Variants in ROBO2 observed in about 807,000 individuals in gnomAD.
The protein encoded by ROBO2 is roundabout guidance receptor 2.
Under a neutral mutation model 160.8 loss-of-function variants are expected in ROBO2, and 53 were observed. The ratio of observed to expected loss-of-function variants is 0.33; its 90% CI spans 0.26 to 0.41. ROBO2 has a LOEUF of 0.41. ROBO2 is among the 10% of genes least tolerant of loss of function. The pLI, the probability that ROBO2 is intolerant of heterozygous loss-of-function variation, is 1.00. For missense variants in ROBO2, 1,577 were observed against 1,722.4 expected (o/e 0.92, Z 1.49); for synonymous variants, 664 against 611.7 (o/e 1.09, Z -1.26).
At chr3:77,490,171 G>A (rs1459706660) in intron 4 of ROBO2, among the ~76,000 whole-genome samples, 1 of 150,282 alleles carries the variant, frequency 6.7e-6, no homozygotes, top group Admixed American at 6.6e-5. Flanking sequence ...CCCAATCTCG[G>A]CTCACTGCAA....
At chr3:76,671,334 G>A (rs375013038) in intron 2 of ROBO2, among the ~76,000 whole-genome samples, 19 of 152,172 alleles carry the variant, frequency 1.2e-4, no homozygotes, top group Admixed American at 3.3e-4. Flanking sequence ...GGAGAATAAC[G>A]CTGGCCTTCT....
At chr3:77,643,249 G>A (rs2095373115) in intron 24 of ROBO2, among the ~76,000 whole-genome samples, 1 of 152,096 alleles carries the variant, frequency 6.6e-6, no homozygotes, top group South Asian at 2.1e-4. Context: ...TTTAAAGATC[G>A]CTAAATTTAA....
At chr3:76,900,190 G>A (rs1023409199) in intron 2 of ROBO2, among the ~76,000 whole-genome samples, 15 of 151,962 alleles carry the variant, frequency 9.9e-5, no homozygotes, top group South Asian at 2.1e-4. Flanking sequence ...GGAAAGATCC[G>A]CCCCCATAAT....
At chr3:77,604,309 A>C (rs2153693909) in intron 20 of ROBO2, among the ~76,000 whole-genome samples, 1 of 152,310 alleles carries the variant, frequency 6.6e-6, no homozygotes, top group South Asian at 2.1e-4. Flanking sequence ...ATAATTAAAA[A>C]GTAATTTATC....
intron 2 of ROBO2, among the ~76,000 whole-genome samples, chr3:76,693,274 CTATA>C (rs3041339): frequency 1.4e-5 from 2 of 147,990 alleles, no homozygotes; most frequent in Non-Finnish European, 3.0e-5. Flanking sequence ...GTCTCTCTCT[CTATA>C]TATAGTGTGT....
intron 2 of ROBO2, among the ~76,000 whole-genome samples, chr3:77,248,584 C>A (rs984012449): frequency 6.6e-6 from 1 of 152,188 alleles, no homozygotes; most frequent in East Asian, 1.9e-4. Context: ...CTGCCAGCAC[C>A]CAAAGGTGCT....
chr3:77,085,319 T>C (rs541268729), intron 1 of ROBO2, among the ~76,000 whole-genome samples: 1 of 152,258 alleles, frequency 6.6e-6, no homozygotes, highest in South Asian at 2.1e-4. Flanking sequence ...CAAAATTTTC[T>C]ATAAGATTCT....
At chr3:75,951,945 A>G (rs1039585475) in intron 2 of ROBO2, among the ~76,000 whole-genome samples, 2 of 152,018 alleles carry the variant, frequency 1.3e-5, no homozygotes, top group African/African-American at 4.8e-5. Flanking sequence ...AAAATAAGAA[A>G]TTTAGCTTAA....
intron 2 of ROBO2, among the ~76,000 whole-genome samples, chr3:76,982,593 G>T (rs1245041869): frequency 2.6e-5 from 4 of 152,128 alleles, no homozygotes; most frequent in Non-Finnish European, 5.9e-5. Context: ...AGATTTACTT[G>T]ACAGTTTTGC....
chr3:76,761,804 A>T (rs2061323791), intron 2 of ROBO2, among the ~76,000 whole-genome samples: 1 of 151,674 alleles, frequency 6.6e-6, no homozygotes, highest in African/African-American at 2.4e-5. Context: ...TGACCTTGGG[A>T]TATTTAACTT....
intron 17 of ROBO2, among the ~76,000 whole-genome samples, chr3:77,591,512 T>G (rs2153685281): frequency 6.6e-6 from 1 of 152,324 alleles, no homozygotes; most frequent in African/African-American, 2.4e-5. Context: ...TCTCTTTACC[T>G]TATATTTGTG....
chr3:76,029,193 G>T (rs549774597), intron 2 of ROBO2, among the ~76,000 whole-genome samples: 1 of 151,956 alleles, frequency 6.6e-6, no homozygotes, highest in African/African-American at 2.4e-5. Flanking sequence ...AATTTCCAAT[G>T]GTTTCAAGCC....
chr3:77,225,674 C>T (rs952781750), intron 2 of ROBO2, among the ~76,000 whole-genome samples: 1 of 151,898 alleles, frequency 6.6e-6, no homozygotes, highest in African/African-American at 2.4e-5. Context: ...ATACTATGTG[C>T]TTCTAAATCA....
At chr3:76,194,293 T>G (rs1020234210) in intron 2 of ROBO2, among the ~76,000 whole-genome samples, 6 of 148,106 alleles carry the variant, frequency 4.1e-5, no homozygotes, top group African/African-American at 1.5e-4. Context: ...TGAGATAGTT[T>G]TATTGAATCT....
At chr3:77,200,314 T>C (rs2082768492) in intron 2 of ROBO2, among the ~76,000 whole-genome samples, 1 of 86,668 alleles carries the variant, frequency 1.2e-5, no homozygotes, top group East Asian at 3.8e-4. Flanking sequence ...TATATATATA[T>C]ATATATATTT....
At chr3:77,564,276 A>G (rs2093417692) in intron 11 of ROBO2, among the ~76,000 whole-genome samples, 1 of 152,080 alleles carries the variant, frequency 6.6e-6, no homozygotes, top group Non-Finnish European at 1.5e-5. Context: ...CCTTAGACAA[A>G]CTGTTCTAAA....
At chr3:77,472,425 C>G (rs2083449003) in intron 2 of ROBO2, among the ~76,000 whole-genome samples, 1 of 152,120 alleles carries the variant, frequency 6.6e-6, no homozygotes, top group South Asian at 2.1e-4. Flanking sequence ...TCAAAAATCT[C>G]TATGTCGTAA....
chr3:76,654,044 C>G (rs990909447), intron 2 of ROBO2, among the ~76,000 whole-genome samples: 3 of 152,074 alleles, frequency 2.0e-5, no homozygotes, highest in Admixed American at 1.3e-4. Context: ...AAAGGGAATC[C>G]CATTTATCAG....
At chr3:76,156,522 T>A (rs2072416221) in intron 2 of ROBO2, among the ~76,000 whole-genome samples, 1 of 152,162 alleles carries the variant, frequency 6.6e-6, no homozygotes, top group Admixed American at 6.5e-5. Flanking sequence ...CATGTAAAAG[T>A]GAGTTGAAGC....
Sources: allele counts gnomAD v4.1 joint callset (sites outside exome capture counted in the v4.1 genomes callset), GRCh38; gene constraint gnomAD v4.1.1; transcripts MANE v1.5; gene names NCBI Gene and HGNC (gene_info 2026-07-23, HGNC 2026-07-21).